ZNF808: variants seen among roughly 807,000 people sequenced by gnomAD.
ZNF808 encodes zinc finger protein 808.
Under a neutral mutation model 8.7 loss-of-function variants are expected in ZNF808, and 5 were observed. That is an observed-to-expected ratio of 0.58 (90% CI 0.30 to 1.21). ZNF808 has a LOEUF of 1.21. Among genes scored for constraint, ZNF808 ranks in the 50% most tolerant of loss-of-function variants. The probability of loss-of-function intolerance (pLI) is 0.07; values close to 1 mark genes in which losing one functional copy is unlikely to be tolerated. For synonymous variants in ZNF808, 380 were observed against 366.0 expected (o/e 1.04, Z -0.44); for missense variants, 1,103 against 1,098.4 (o/e 1.00, Z -0.06).
In ZNF808 at chr19:52,562,862, C is replaced by T. The variant is rs529515709; in HGVS notation, c.*423-456C>T. Among the ~76,000 whole-genome samples, 3 of 152,094 alleles carry T rather than the reference C, an allele frequency of 2.0e-5. No individual in the cohort carries two copies. In the South Asian group the frequency reaches 6.2e-4, roughly 31 times the overall value. On this transcript the variant is annotated intron_variant and NMD_transcript_variant, in intron 3 of 3. Transcript: ENST00000487863. ...GATCTCGGCTCACTGCAACCTACGC[C>T]TCCTTGGTTCAAATGATTCTTCTGC...
At position 52,555,458 on chromosome 19, in the gene ZNF808, A is replaced by G. The variant is rs2059827249; in HGVS notation, c.2542A>G (p.Lys848Glu). Residue 848 changes from lysine (K) to glutamate (E), a missense_variant, in exon 5 of 5, where the codon AAA becomes GAA. By Grantham distance (56) the Lys-to-Glu change is moderately conservative. Transcript: ENST00000359798. ...AATTCATACTGGAGAGAAACCTTAC[A>G]AATGTGAAGCATGTGACAAAGTTTT... is the stretch of plus-strand genomic sequence containing the variant. ...HRIHTGEKPY[K>E]CEACDKVFSR... is the part of the protein sequence containing the mutation. 2 of 1,614,032 alleles carry G rather than the reference A, an allele frequency of 1.2e-6. No homozygotes were observed. Among genetic ancestry groups the G allele is most frequent in the Admixed American group, 1.7e-5 (1 of 59,996 alleles).
chr19:52,534,756 G>A (rs563096406), intron 2 of ZNF808, among the ~76,000 whole-genome samples: 6 of 151,996 alleles, frequency 3.9e-5, no homozygotes, highest in Non-Finnish European at 8.8e-5. Context: ...GGGCATGGTC[G>A]TGTGCGCTTG....
At chr19:52,543,240 G>T (rs2059689536) in intron 2 of ZNF808, 26 bp from the exon 3 acceptor site, 1 of 1,608,348 alleles carries the variant, frequency 6.2e-7, no homozygotes, top group Non-Finnish European at 8.5e-7. Flanking sequence ...TTTCTAACAT[G>T]AAGTCTTATT....
Position 52,553,408 on chromosome 19 carries a change from G to T in ZNF808, c.492G>T (p.Leu164=). The change falls in exon 5 of 5, where the codon CTG becomes CTT. Residue 164 remains leucine, a synonymous_variant. Coordinates refer to ENST00000359798, the MANE Select transcript of ZNF808 (RefSeq NM_001039886.4). Reference sequence around the variant, plus strand: ...TTGGATCAAGCTTTTATTCACATCTGCCTGAACTCCACATATTTCAGATCA... The same window carrying T: ...TTGGATCAAGCTTTTATTCACATCTTCCTGAACTCCACATATTTCAGATCA... The part of the protein sequence containing the change: ...DQLGSSFYSH[L]PELHIFQIKG... The T allele has an allele frequency of 6.2e-7, 1 of 1,614,144 alleles. No individual in the cohort carries two copies. Among genetic ancestry groups the T allele is most frequent in the African/African-American group, 1.3e-5 (1 of 75,048 alleles).
At chr19:52,552,251 T>G (rs2059784453) in intron 4 of ZNF808, among the ~76,000 whole-genome samples, 1 of 151,900 alleles carries the variant, frequency 6.6e-6, no homozygotes, top group Non-Finnish European at 1.5e-5. Flanking sequence ...TCTCCTGACC[T>G]TGTGATCCAC....
At chr19:52,564,444 A>G (rs375414270) in exon 4 of ZNF808, 6 of 258,854 alleles carry the variant, frequency 2.3e-5, no homozygotes, top group African/African-American at 1.4e-4. Flanking sequence ...TTTTAATGAC[A>G]TAATAGATTA....
intron 2 of ZNF808, among the ~76,000 whole-genome samples, chr19:52,535,126 T>C (rs2059593048): frequency 6.7e-6 from 1 of 149,940 alleles, no homozygotes; most frequent in Admixed American, 6.7e-5. Flanking sequence ...GGTCAGGAGA[T>C]CAAGACCATC....
At chr19:52,567,355 CTT>C (rs964563617), downstream of ZNF808, among the ~76,000 whole-genome samples, 1 of 151,348 alleles carries the variant, frequency 6.6e-6, no homozygotes, top group Non-Finnish European at 1.5e-5. Context: ...GTAAGAGAAA[CTT>C]TAAGAGAAGG....
Position 52,553,881 on chromosome 19 carries a change from A to T in ZNF808, c.965A>T (p.Lys322Met). ...VKPYKCNECG[K>M]VFRQNSALVI... The stretch of plus-strand genomic sequence containing the variant: ...CCTTACAAGTGTAATGAGTGTGGCA[A>T]GGTCTTTCGTCAAAATTCAGCCCTT... The change falls in exon 5 of 5, where the codon AAG becomes ATG. Residue 322 changes from lysine to methionine, a missense_variant. Lys to Met is a moderately conservative substitution (Grantham distance 95). Transcript: ENST00000359798. 6.2e-7 allele frequency: 1 copy of T among 1,614,198 alleles called. No homozygotes were observed. The highest frequency in any genetic ancestry group is 8.5e-7 in the Non-Finnish European group (1 of 1,180,042).
At chr19:52,533,047 A>G (rs1414511405) in intron 2 of ZNF808, 38 bp downstream of exon 2, 4 of 152,428 alleles carry the variant, frequency 2.6e-5, no homozygotes, top group East Asian at 1.9e-4. Flanking sequence ...AAACAAGCCA[A>G]TAAATGAGAG....
intron 3 of ZNF808, among the ~76,000 whole-genome samples, chr19:52,546,384 C>T (rs1246372291): frequency 6.6e-6 from 1 of 152,022 alleles, no homozygotes; most frequent in Non-Finnish European, 1.5e-5. Flanking sequence ...GAAGGGGTTT[C>T]AGCGTGTTCC....
At chr19:52,528,961 A>G (rs553877050) in intron 1 of ZNF808, among the ~76,000 whole-genome samples, 179 of 152,058 alleles carry the variant, frequency 1.2e-3, no homozygotes, top group South Asian at 4.6e-3. Flanking sequence ...TAAACAGCAG[A>G]AGAGAAGAGG....
At chr19:52,538,076 T>C (rs898343687) in intron 2 of ZNF808, among the ~76,000 whole-genome samples, 2 of 152,170 alleles carry the variant, frequency 1.3e-5, no homozygotes, top group Non-Finnish European at 2.9e-5. Flanking sequence ...AATGGCGTTA[T>C]CTACTCTAAC....
downstream of ZNF808, among the ~76,000 whole-genome samples, chr19:52,561,208 CTCTCTATATATATATATA>C (rs1338492488): frequency 3.7e-3 from 121 of 32,676 alleles, no homozygotes; most frequent in Non-Finnish European, 5.7e-3. Context: ...CTCTCTCTCT[CTCTCTATATATATATATA>C]TATATATATA....
At chr19:52,529,050 T>TA (rs2059537274) in intron 1 of ZNF808, among the ~76,000 whole-genome samples, 1 of 147,968 alleles carries the variant, frequency 6.8e-6, no homozygotes, top group African/African-American at 2.5e-5. Context: ...GAATGAGAGA[T>TA]ATGTACAGAA....
chr19:52,535,431 C>G (rs1189596020), intron 2 of ZNF808, among the ~76,000 whole-genome samples: 4 of 151,930 alleles, frequency 2.6e-5, no homozygotes, highest in Non-Finnish European at 5.9e-5. Context: ...GTCACCCAGG[C>G]TGGCCTGGAC....
chr19:52,537,186 C>A (rs1599961763), intron 2 of ZNF808, among the ~76,000 whole-genome samples: 6 of 149,730 alleles, frequency 4.0e-5, no homozygotes, highest in East Asian at 4.0e-4. Flanking sequence ...AACTCTTTCT[C>A]AAAAAAAAAG....
chr19:52,552,252 T>C (rs950579512), intron 4 of ZNF808, among the ~76,000 whole-genome samples: 9 of 151,838 alleles, frequency 5.9e-5, no homozygotes, highest in African/African-American at 9.7e-5. Context: ...CTCCTGACCT[T>C]GTGATCCACC....
At chr19:52,541,262 T>C (rs2059667611) in intron 2 of ZNF808, among the ~76,000 whole-genome samples, 1 of 152,016 alleles carries the variant, frequency 6.6e-6, no homozygotes, top group Non-Finnish European at 1.5e-5. Flanking sequence ...TTTTTTTTTT[T>C]TAAACCGTTT....
Sources: gnomAD v4.1 joint callset for allele counts (sites outside exome capture counted in the v4.1 genomes callset) on GRCh38, gnomAD v4.1.1 for gene constraint, MANE v1.5 for transcripts, NCBI Gene and HGNC (gene_info 2026-07-23, HGNC 2026-07-21) for gene names.